CCSER1: variants seen among roughly 807,000 people sequenced by gnomAD.
The protein encoded by CCSER1 is coiled-coil serine rich protein 1, also known as serine-rich coiled-coil domain-containing protein 1.
CCSER1 carries 41 observed loss-of-function variants against 82.0 expected under a neutral mutation model. The observed-to-expected ratio is 0.50, with a 90% CI of 0.39 to 0.65. The LOEUF (loss-of-function observed/expected upper bound fraction) is 0.65. Among genes scored for constraint, CCSER1 ranks in the 30% least tolerant of loss-of-function variants. CCSER1 has a pLI of 0.00. For missense variants in CCSER1, 1,119 were observed against 1,064.2 expected, an observed-to-expected ratio of 1.05 and a Z score of -0.72; for synonymous variants, 414 against 383.9, an observed-to-expected ratio of 1.08 and a Z score of -0.92.
At chr4:90,529,374 C>T (rs760104980) in intron 5 of CCSER1, among the ~76,000 whole-genome samples, 25 of 151,996 alleles carry the variant, frequency 1.6e-4, no homozygotes, top group African/African-American at 5.1e-4. Context: ...CGACTACAGA[C>T]GCATTTCACT....
chr4:91,336,080 G>T (rs563735927), intron 10 of CCSER1, among the ~76,000 whole-genome samples: 1 of 152,086 alleles, frequency 6.6e-6, no homozygotes, highest in Non-Finnish European at 1.5e-5. Context: ...GAGGGTATAT[G>T]TACATAGTAA....
intron 10 of CCSER1, among the ~76,000 whole-genome samples, chr4:91,471,979 A>T (rs1757302395): frequency 6.6e-6 from 1 of 151,172 alleles, no homozygotes. Flanking sequence ...CAAAAAAAAA[A>T]AAAAAAAGAA....
chr4:90,522,923 G>T (rs959887246), intron 5 of CCSER1, among the ~76,000 whole-genome samples: 43 of 151,942 alleles, frequency 2.8e-4, no homozygotes, highest in Non-Finnish European at 5.6e-4. Context: ...TCTTAGAGTG[G>T]TTTTTCTACA....
chr4:90,787,225 A>G (rs1463590019), intron 7 of CCSER1, among the ~76,000 whole-genome samples: 1 of 152,174 alleles, frequency 6.6e-6, no homozygotes, highest in East Asian at 1.9e-4. Context: ...AGGACTTAAT[A>G]CAATTAGAAA....
rs1781368488 is a variant in CCSER1, at chr4:90,581,076, T to G, written c.1725-46949T>G. Among the ~76,000 whole-genome samples the G allele has an allele frequency of 2.0e-5, 3 of 152,228 alleles. No homozygotes were observed. In the South Asian group the frequency reaches 6.2e-4, roughly 32 times the overall value. On this transcript the variant is annotated intron_variant, in intron 5 of 10. Coordinates refer to ENST00000509176, the MANE Select transcript of CCSER1 (RefSeq NM_001145065.2). ...CTAATGCAATAAATTGAATAATATT[T>G]TTCATCCAGAAATTTTAATTCAAAT... is the stretch of plus-strand genomic sequence containing the variant.
At chr4:91,156,030 G>A (rs1231501192) in intron 10 of CCSER1, among the ~76,000 whole-genome samples, 1 of 151,778 alleles carries the variant, frequency 6.6e-6, no homozygotes, top group East Asian at 1.9e-4. Context: ...ATAATGCTGA[G>A]ATATTCATGG....
chr4:91,498,376 T>G (rs1759038835), intron 10 of CCSER1, among the ~76,000 whole-genome samples: 1 of 151,880 alleles, frequency 6.6e-6, no homozygotes, highest in African/African-American at 2.4e-5. Context: ...TTTCCCTTTA[T>G]ATTTACTCTA....
chr4:90,488,015 G>A (rs1767385384), intron 5 of CCSER1, among the ~76,000 whole-genome samples: 1 of 152,142 alleles, frequency 6.6e-6, no homozygotes, highest in Non-Finnish European at 1.5e-5. Context: ...ATTGCCATTT[G>A]AACAGTCTTG....
chr4:91,092,205 C>T (rs578059695), intron 10 of CCSER1, among the ~76,000 whole-genome samples: 42 of 152,162 alleles, frequency 2.8e-4, no homozygotes, highest in Non-Finnish European at 5.4e-4. Flanking sequence ...ATGTAGCTTC[C>T]AAGTGAGTCC....
chr4:90,724,503 A>G (rs1005135785), intron 7 of CCSER1: 3 of 178,072 alleles, frequency 1.7e-5, no homozygotes, highest in African/African-American at 7.2e-5. Flanking sequence ...ATGTGGTATG[A>G]CTGGTGGCAT....
rs181704859 is a variant in CCSER1, at chr4:91,517,300, A to G, written c.2218-81272A>G. On this transcript the variant is annotated intron_variant, in intron 10 of 10. Transcript: ENST00000509176. ...GTTTTCAAAAAGAATGCTTCCAGCT[A>G]TTGCCCCTTCCATATGATGTTGGGT... is the stretch of plus-strand genomic sequence containing the variant. Among the ~76,000 whole-genome samples, 59 of 152,248 alleles carry G rather than the reference A, an allele frequency of 3.9e-4. 1 individual carries two copies. The highest frequency in any genetic ancestry group is 2.6e-3 in the Admixed American group (39 of 15,284).
At chr4:91,528,151 C>T in intron 10 of CCSER1, among the ~76,000 whole-genome samples, 1 of 152,076 alleles carries the variant, frequency 6.6e-6, no homozygotes, top group East Asian at 1.9e-4. Context: ...AAACTCCTGA[C>T]CTCAAGGAAT....
At chr4:91,334,481 G>C (rs1401884796) in intron 10 of CCSER1, among the ~76,000 whole-genome samples, 1 of 151,944 alleles carries the variant, frequency 6.6e-6, no homozygotes, top group Non-Finnish European at 1.5e-5. Context: ...CAGGTGAAAA[G>C]ACATGAGAAA....
chr4:91,408,954 G>A (rs1752866416), intron 10 of CCSER1, among the ~76,000 whole-genome samples: 1 of 152,172 alleles, frequency 6.6e-6, no homozygotes, highest in African/African-American at 2.4e-5. Context: ...AGACCTGGGT[G>A]TTCATGATCA....
intron 9 of CCSER1, among the ~76,000 whole-genome samples, chr4:91,068,822 A>G (rs1331315600): frequency 6.6e-6 from 1 of 152,174 alleles, no homozygotes; most frequent in Non-Finnish European, 1.5e-5. Flanking sequence ...TTGTATACTG[A>G]TACACTTATT....
rs115611133 is a variant in CCSER1, at chr4:91,452,053, A to G, written c.2218-146519A>G. Reference sequence around the variant, plus strand: ...TCTATATACACTATGATGTCTGGATAGTAAGTATTTACATCTCATTATGAA... The same window carrying G: ...TCTATATACACTATGATGTCTGGATGGTAAGTATTTACATCTCATTATGAA... On this transcript the variant is annotated intron_variant, in intron 10 of 10. Coordinates refer to ENST00000509176, the MANE Select transcript of CCSER1 (RefSeq NM_001145065.2). 7.4e-3 allele frequency among the ~76,000 whole-genome samples: 1,118 copies of G among 152,070 alleles called. 14 individuals are homozygous for G. The highest frequency in any genetic ancestry group is 0.025 in the African/African-American group (1,055 of 41,512).
chr4:90,648,817 T>C (rs1363744635), intron 6 of CCSER1, among the ~76,000 whole-genome samples: 1 of 152,166 alleles, frequency 6.6e-6, no homozygotes, highest in Non-Finnish European at 1.5e-5. Context: ...AAAAGTAATA[T>C]ACCAGTCAAT....
intron 7 of CCSER1, among the ~76,000 whole-genome samples, chr4:90,809,694 C>T (rs957486009): frequency 6.6e-6 from 1 of 151,192 alleles, no homozygotes; most frequent in Non-Finnish European, 1.5e-5. Flanking sequence ...ATAATAATAA[C>T]AAACCAATGA....
rs554873368 is a variant in CCSER1 at position 90,886,787 on chromosome 4, TA to T, written c.2095-36580del. On this transcript the variant is annotated intron_variant, in intron 8 of 10. Transcript: ENST00000509176. ...CCTCAGTCTTATGAAGCTACCATTA[TA>T]AAGAATATTTCTTAAAAAATTCTGT... Among the ~76,000 whole-genome samples the T allele has an allele frequency of 3.0e-3, 450 of 152,252 alleles. 3 individuals are homozygous for T. The highest frequency in any genetic ancestry group is 3.6e-3 in the Non-Finnish European group (248 of 68,018).
Sources: allele counts gnomAD v4.1 joint callset (sites outside exome capture counted in the v4.1 genomes callset), GRCh38; gene constraint gnomAD v4.1.1; transcripts MANE v1.5; gene names NCBI Gene and HGNC (gene_info 2026-07-23, HGNC 2026-07-21).